The following RREB1 variants were observed in gnomAD, a reference collection of about 807,000 sequenced individuals.
RREB1 encodes the protein ras-responsive element-binding protein 1.
Under a neutral mutation model 117.8 loss-of-function variants are expected in RREB1, and 27 were observed. The ratio of observed to expected loss-of-function variants is 0.23; its 90% confidence interval spans 0.17 to 0.32. The LOEUF (loss-of-function observed/expected upper bound fraction) is 0.32. RREB1 is among the 10% of genes least tolerant of loss of function. RREB1 has a pLI of 1.00. For missense variants in RREB1, 2,577 were observed against 2,378.2 expected (o/e 1.08, Z -1.74); for synonymous variants, 1,298 against 1,026.7 (o/e 1.26, Z -5.05).
At position 7,247,153 on chromosome 6, in the gene RREB1, T is replaced by G; in HGVS notation, c.4703T>G (p.Val1568Gly). The G allele has an allele frequency of 1.9e-6, 3 of 1,613,580 alleles. No homozygotes were observed. Among genetic ancestry groups the G allele is most frequent in the South Asian group, 1.1e-5 (1 of 91,078 alleles). ...AGCAAGGCAGACAAGAGGAAGAAGG[T>G]CTGCAGCGTGTGCAACAAGCGGTTC... ...VASKADKRKKVCSVCNKRFWS... is the reference protein window; with the variant it reads ...VASKADKRKKGCSVCNKRFWS... The change falls in exon 12 of 13, where the codon GTC becomes GGC. Residue 1568 changes from valine to glycine, a missense_variant. Transcript: ENST00000379938.
At chr6:7,182,995 TGA>T (rs1282664077) in intron 4 of RREB1, 2 of 152,230 alleles carry the variant, frequency 1.3e-5, no homozygotes, top group Non-Finnish European at 2.9e-5. Flanking sequence ...CAGAATTCTC[TGA>T]GTATTAATAT....
rs1762206974 is a variant in RREB1 at position 7,132,819 on chromosome 6, CAGTA to C, written c.-285+24763_-285+24766del. 2.8e-5 allele frequency among the ~76,000 whole-genome samples: 3 copies of C among 106,822 alleles called. No individual in the cohort carries two copies. The Admixed American group carries it at 2.8e-4, about 10-fold the overall frequency. The allele number at this position is 106,822 out of a possible 152,430, so 70.1% of individuals were successfully genotyped here. A position where few individuals can be genotyped will look rare whatever the true frequency, so the allele number is the denominator to read the frequency against. ...GTGTCTGGTATACAATGTCAACATT[CAGTA>C]AGTGACTGTGTTTGTTGTGGTTGGA... On this transcript the variant is annotated intron_variant, in intron 1 of 12. Transcript: ENST00000379938.
chr6:7,236,451 C>T (rs1241819451), intron 10 of RREB1, among the ~76,000 whole-genome samples: 1 of 152,150 alleles, frequency 6.6e-6, no homozygotes, highest in Admixed American at 6.6e-5. Context: ...GTGGAAAGCA[C>T]CTGGGACACC....
chr6:7,119,530 G>GA (rs1407766684), intron 1 of RREB1, among the ~76,000 whole-genome samples: 1 of 152,132 alleles, frequency 6.6e-6, no homozygotes, highest in Non-Finnish European at 1.5e-5. Flanking sequence ...TGGGTGAGAG[G>GA]AAAGAAAAAG....
rs368515443 is a variant in RREB1 at position 7,231,419 on chromosome 6, C to T, written c.3320C>T (p.Ser1107Phe). 139 of 1,613,218 alleles carry T rather than the reference C, an allele frequency of 8.6e-5. No individual in the cohort carries two copies. The highest frequency in any genetic ancestry group is 1.1e-4 in the Non-Finnish European group (124 of 1,179,890). Residue 1107 changes from serine to phenylalanine, a missense_variant, in exon 10 of 13, where the codon TCT becomes TTT. Transcript: ENST00000379938. ...ACGGCTTCAGACAGCTTAGGAGGTTCTGTCCCCAAAGCCGCCACCACCGCC... is the reference window on the plus strand; with the variant it reads ...ACGGCTTCAGACAGCTTAGGAGGTTTTGTCCCCAAAGCCGCCACCACCGCC... ...NTTASDSLGG[S>F]VPKAATTATP...
chr6:7,172,504 T>C (rs1764263513), intron 1 of RREB1, among the ~76,000 whole-genome samples: 1 of 152,022 alleles, frequency 6.6e-6, no homozygotes, highest in African/African-American at 2.4e-5. Flanking sequence ...TGCCTCTCCG[T>C]CCCAAAGTGG....
At chr6:7,160,718 C>T (rs1375450137) in intron 1 of RREB1, among the ~76,000 whole-genome samples, 1 of 151,126 alleles carries the variant, frequency 6.6e-6, no homozygotes, top group Non-Finnish European at 1.5e-5. Flanking sequence ...GACGGAGTCT[C>T]ATTCTGTCAC....
rs953883702 is a variant in RREB1, at chr6:7,246,345, C to G, written c.3974-79C>G. On this transcript the variant is annotated intron_variant, in intron 11 of 12. Transcript: ENST00000379938. ...GTTCAGGCTGCTGGCGTGGGTCTAG[C>G]CCATTCCCGGCGACATCCCTGGCAT... 9 of 1,321,182 alleles carry G rather than the reference C, an allele frequency of 6.8e-6. 1 individual carries two copies. The South Asian group carries it at 1.2e-4, about 18-fold the overall frequency. The allele number at this position is 1,321,182 out of a possible 1,614,324, so 81.8% of individuals were successfully genotyped here.
intron 6 of RREB1, among the ~76,000 whole-genome samples, chr6:7,201,044 C>T (rs1765945906): frequency 6.6e-6 from 1 of 152,202 alleles, no homozygotes; most frequent in Non-Finnish European, 1.5e-5. Flanking sequence ...ACTTGAACAG[C>T]AGGCAGTGGT....
intron 1 of RREB1, among the ~76,000 whole-genome samples, chr6:7,173,762 AG>A (rs1287712207): frequency 1.2e-4 from 19 of 152,200 alleles, no homozygotes; most frequent in Non-Finnish European, 2.5e-4. Flanking sequence ...CAGAGGTTAC[AG>A]GCTTTCAGCC....
At chr6:7,115,772 T>C (rs1361420503) in intron 1 of RREB1, among the ~76,000 whole-genome samples, 1 of 152,170 alleles carries the variant, frequency 6.6e-6, no homozygotes, top group Non-Finnish European at 1.5e-5. Flanking sequence ...TTTGTCACCC[T>C]GATCACCCTG....
rs1762063727 is a variant in RREB1, at chr6:7,129,382, A to G, written c.-285+21322A>G. ...CTTAATTTAAGTGGTAGGGAGTCCA[A>G]AGTTTTTGAGTAGAGAAGTCACAGT... On this transcript the variant is annotated intron_variant, in intron 1 of 12. Coordinates refer to ENST00000379938, the MANE Select transcript of RREB1 (RefSeq NM_001003699.4). 2.6e-5 allele frequency among the ~76,000 whole-genome samples: 4 copies of G among 152,202 alleles called. No individual in the cohort carries two copies. In the South Asian group the frequency reaches 8.3e-4, roughly 32 times the overall value.
At chr6:7,145,230 G>T (rs1339958427) in intron 1 of RREB1, among the ~76,000 whole-genome samples, 2 of 152,182 alleles carry the variant, frequency 1.3e-5, no homozygotes, top group Non-Finnish European at 2.9e-5. Context: ...TTCAGAGCAG[G>T]TTTACATGTG....
At chr6:7,232,044 C>G in intron 10 of RREB1, 137 bp downstream of exon 10, 2 of 899,774 alleles carry the variant, frequency 2.2e-6, no homozygotes, top group East Asian at 5.3e-5. Flanking sequence ...TCTCCGAAGC[C>G]CCGAGCTTGT....
At position 7,189,082 on chromosome 6, in the gene RREB1, T is replaced by C. The variant is rs1765257883; in HGVS notation, c.262-77T>C. The C allele has an allele frequency of 1.3e-5, 18 of 1,391,406 alleles. No homozygotes were observed. The South Asian group carries it at 2.3e-4, about 18-fold the overall frequency. The allele number at this position is 1,391,406 out of a possible 1,614,324, so 86.2% of individuals were successfully genotyped here. On this transcript the variant is annotated intron_variant, in intron 5 of 12. Transcript: ENST00000379938. ...AGTTGATTGGTTTTTTTAATAAAGC[T>C]CTGGATCTGCATTTCCTAAGAGCTG...
chr6:7,226,334 C>T, intron 8 of RREB1, 133 bp from the exon 9 acceptor site: 2 of 647,298 alleles, frequency 3.1e-6, no homozygotes, highest in Non-Finnish European at 2.5e-6. Context: ...TTCTTGACAT[C>T]ATATCATTTT....
chr6:7,143,684 C>G (rs1353202788), intron 1 of RREB1, among the ~76,000 whole-genome samples: 2 of 152,026 alleles, frequency 1.3e-5, no homozygotes, highest in African/African-American at 4.8e-5. Flanking sequence ...ACAGCAAAGT[C>G]GGCTGCTCAT....
Position 7,151,294 on chromosome 6 carries a change from A to G in RREB1, c.-284-25361A>G, listed in dbSNP as rs573635583. Among the ~76,000 whole-genome samples the G allele has an allele frequency of 2.0e-4, 31 of 152,248 alleles. 1 individual carries two copies. The highest frequency in any genetic ancestry group is 6.8e-3 in the Middle Eastern group (2 of 294). ...AGGCCCAAAGAGAAGAATTTGATCA[A>G]TTGATTTAAGGTTGTTGGAGGATTG... On this transcript the variant is annotated intron_variant, in intron 1 of 12. Transcript: ENST00000379938.
At chr6:7,244,526 G>A (rs1401464654) in intron 11 of RREB1, among the ~76,000 whole-genome samples, 2 of 152,158 alleles carry the variant, frequency 1.3e-5, no homozygotes, top group Non-Finnish European at 2.9e-5. Flanking sequence ...CAAGAAAAAC[G>A]AACATCTAGT....
Sources: allele counts gnomAD v4.1 joint callset (sites outside exome capture counted in the v4.1 genomes callset), GRCh38; gene constraint gnomAD v4.1.1; transcripts MANE v1.5; gene names NCBI Gene and HGNC (gene_info 2026-07-23, HGNC 2026-07-21).